The following ASTN2 variants were observed in gnomAD, a reference collection of about 807,000 sequenced individuals.
The protein encoded by ASTN2 is astrotactin 2, also known as astrotactin-2.
In ASTN2, 54 loss-of-function variants were observed where a neutral mutation model predicts 139.8. The observed-to-expected ratio is 0.39, with a 90% confidence interval of 0.31 to 0.48. The LOEUF is 0.48. ASTN2 is among the 20% of genes least tolerant of loss of function. The pLI, the probability that ASTN2 is intolerant of heterozygous loss-of-function variation, is 0.95. For missense variants in ASTN2, 1,565 were observed against 1,725.1 expected, an observed-to-expected ratio of 0.91 and a Z score of 1.64; for synonymous variants, 756 against 719.5, an observed-to-expected ratio of 1.05 and a Z score of -0.81.
At chr9:116,609,296 ATCTCTCTCTCTC>A (rs34856740) in intron 19 of ASTN2, among the ~76,000 whole-genome samples, 22 of 124,012 alleles carry the variant, frequency 1.8e-4, no homozygotes, top group Non-Finnish European at 2.6e-4. Context: ...AGAAAAAAGG[ATCTCTCTCTCTC>A]TCTCTCTCTC....
intron 19 of ASTN2, among the ~76,000 whole-genome samples, chr9:116,536,050 T>A (rs998858767): frequency 1.2e-4 from 18 of 152,044 alleles, no homozygotes; most frequent in African/African-American, 4.1e-4. Context: ...AGGCTTTGTT[T>A]GTTTCTTTTT....
chr9:116,802,160 C>T (rs1347196331), intron 13 of ASTN2, among the ~76,000 whole-genome samples: 1 of 148,376 alleles, frequency 6.7e-6, no homozygotes, highest in Non-Finnish European at 1.5e-5. Context: ...ACTATAGGCT[C>T]ACTGCAAGCT....
chr9:116,628,325 T>C (rs1201691638), intron 17 of ASTN2, among the ~76,000 whole-genome samples: 1 of 152,212 alleles, frequency 6.6e-6, no homozygotes, highest in Non-Finnish European at 1.5e-5. Flanking sequence ...CATTTTCTAA[T>C]TTACTGTGTG....
chr9:117,166,027 A>C (rs1564457759), intron 3 of ASTN2, among the ~76,000 whole-genome samples: 1 of 152,134 alleles, frequency 6.6e-6, no homozygotes, highest in African/African-American at 2.4e-5. Context: ...CTCTGGAAAG[A>C]AATAGAAAAC....
intron 2 of ASTN2, chr9:117,277,106 C>G (rs1834211533): frequency 6.6e-6 from 1 of 152,116 alleles, no homozygotes; most frequent in South Asian, 2.1e-4. Flanking sequence ...TGTGTCCCTC[C>G]CAAAGCTGTA....
chr9:117,187,059 G>T (rs1057500966), intron 3 of ASTN2, among the ~76,000 whole-genome samples: 1 of 152,152 alleles, frequency 6.6e-6, no homozygotes, highest in Non-Finnish European at 1.5e-5. Context: ...GACCTGCAAG[G>T]CAGAGGTCAC....
At chr9:117,056,934 C>A (rs1247216529) in intron 5 of ASTN2, among the ~76,000 whole-genome samples, 1 of 152,162 alleles carries the variant, frequency 6.6e-6, no homozygotes, top group East Asian at 1.9e-4. Context: ...TCTTTCAAAG[C>A]CTCATATCCC....
chr9:116,578,757 C>CA (rs1853831716), intron 19 of ASTN2, among the ~76,000 whole-genome samples: 1 of 146,168 alleles, frequency 6.8e-6, no homozygotes, highest in Non-Finnish European at 1.5e-5. Flanking sequence ...TAAAAAGCTG[C>CA]GTTTTTCAAA....
At chr9:117,041,290 C>A (rs1838562361) in intron 5 of ASTN2, among the ~76,000 whole-genome samples, 1 of 152,054 alleles carries the variant, frequency 6.6e-6, no homozygotes, top group South Asian at 2.1e-4. Flanking sequence ...TTTAAGCAAA[C>A]CTTGTCTCTC....
chr9:116,853,939 A>G (rs1329202951), intron 11 of ASTN2, among the ~76,000 whole-genome samples: 1 of 152,216 alleles, frequency 6.6e-6, no homozygotes, highest in Non-Finnish European at 1.5e-5. Flanking sequence ...CAACATGTCC[A>G]ACCAGAAGAC....
At chr9:117,384,134 G>A (rs1253363339) in intron 1 of ASTN2, among the ~76,000 whole-genome samples, 3 of 152,126 alleles carry the variant, frequency 2.0e-5, no homozygotes, top group South Asian at 2.1e-4. Context: ...GCTGCTGGGC[G>A]GGGTTGCGTG....
intron 19 of ASTN2, among the ~76,000 whole-genome samples, chr9:116,536,387 T>A (rs1431276352): frequency 6.6e-6 from 1 of 152,182 alleles, no homozygotes; most frequent in Non-Finnish European, 1.5e-5. Context: ...AGCTTTGTTC[T>A]GTTGCTGGTG....
intron 16 of ASTN2, among the ~76,000 whole-genome samples, chr9:116,661,954 T>C (rs1413137793): frequency 1.3e-5 from 2 of 151,568 alleles, no homozygotes; most frequent in Admixed American, 6.6e-5. Context: ...ATGGCACATG[T>C]ATACATATGT....
chr9:117,139,554 A>G (rs763788240), intron 4 of ASTN2, among the ~76,000 whole-genome samples: 1 of 152,190 alleles, frequency 6.6e-6, no homozygotes, highest in Non-Finnish European at 1.5e-5. Flanking sequence ...ACAGCTTAAC[A>G]TGTAGAGCTT....
chr9:116,505,622 A>G (rs1418962651), intron 19 of ASTN2, among the ~76,000 whole-genome samples: 4 of 152,174 alleles, frequency 2.6e-5, no homozygotes, highest in Non-Finnish European at 4.4e-5. Context: ...CTTCTCCTTA[A>G]TGTATAAAAT....
At chr9:116,538,510 G>C (rs1411337145) in intron 19 of ASTN2, among the ~76,000 whole-genome samples, 1 of 152,158 alleles carries the variant, frequency 6.6e-6, no homozygotes, top group Admixed American at 6.5e-5. Context: ...CAGAGCTGAA[G>C]GGGACTCTTG....
At chr9:117,120,018 G>GTGTGTGTGTGTGTATATA (rs1306397698) in intron 4 of ASTN2, among the ~76,000 whole-genome samples, 7 of 45,998 alleles carry the variant, frequency 1.5e-4, no homozygotes, top group African/African-American at 4.9e-4. Context: ...GTGTGTGTGT[G>GTGTGTGTGTGTGTATATA]TATATATATA....
chr9:116,982,941 C>T (rs1178595687), intron 7 of ASTN2, among the ~76,000 whole-genome samples: 1 of 152,170 alleles, frequency 6.6e-6, no homozygotes, highest in Non-Finnish European at 1.5e-5. Flanking sequence ...GCCTCCTCCA[C>T]CCCAGCAGCA....
chr9:117,050,535 G>T (rs148838355), intron 5 of ASTN2, among the ~76,000 whole-genome samples: 3 of 152,002 alleles, frequency 2.0e-5, no homozygotes, highest in African/African-American at 7.2e-5. Context: ...AAAGCCCACC[G>T]TAAGCACCAG....
Sources: allele counts gnomAD v4.1 joint callset (sites outside exome capture counted in the v4.1 genomes callset), GRCh38; gene constraint gnomAD v4.1.1; transcripts MANE v1.5; gene names NCBI Gene and HGNC (gene_info 2026-07-23, HGNC 2026-07-21).